Variants in PLCG2 observed in about 807,000 individuals in gnomAD.
PLCG2 encodes phospholipase C gamma 2, also known as 1-phosphatidylinositol 4,5-bisphosphate phosphodiesterase gamma-2.
PLCG2 carries 69 observed loss-of-function variants against 175.6 expected under a neutral mutation model. The observed-to-expected ratio is 0.39, with a 90% CI of 0.32 to 0.48. The LOEUF (loss-of-function observed/expected upper bound fraction) is 0.48. Among genes scored for constraint, PLCG2 ranks in the 20% least tolerant of loss-of-function variants. The probability of loss-of-function intolerance (pLI) is 0.91; values close to 1 mark genes in which losing one functional copy is unlikely to be tolerated. For missense variants in PLCG2, 1,798 were observed against 1,650.9 expected (o/e 1.09, Z -1.54); for synonymous variants, 827 against 624.0 (o/e 1.33, Z -4.85).
At chr16:81,785,105 C>T (rs184214447) in intron 1 of PLCG2, among the ~76,000 whole-genome samples, 4 of 152,082 alleles carry the variant, frequency 2.6e-5, no homozygotes, top group South Asian at 4.2e-4. Context: ...TAGGAGGAGC[C>T]GGTGAAAGGG....
At chr16:81,787,922 A>G (rs1250006716) in intron 2 of PLCG2, among the ~76,000 whole-genome samples, 2 of 152,178 alleles carry the variant, frequency 1.3e-5, no homozygotes, top group Non-Finnish European at 2.9e-5. Context: ...TTGTGGCAGA[A>G]TCACGATACG....
chr16:81,778,016 C>CAAA (rs753644088), upstream of PLCG2, among the ~76,000 whole-genome samples: 67 of 49,084 alleles, frequency 1.4e-3, 2 homozygotes, highest in Non-Finnish European at 1.6e-3. Context: ...GACTTTGTCT[C>CAAA]AAAAAAAAAA....
intron 2 of PLCG2, among the ~76,000 whole-genome samples, chr16:81,853,176 C>A (rs567852673): frequency 6.6e-6 from 1 of 152,042 alleles, no homozygotes; most frequent in South Asian, 2.1e-4. Flanking sequence ...ACTAAAAATA[C>A]AAAAACTAGC....
At chr16:81,830,582 A>T (rs1905220033) in intron 2 of PLCG2, among the ~76,000 whole-genome samples, 1 of 152,122 alleles carries the variant, frequency 6.6e-6, no homozygotes, top group Non-Finnish European at 1.5e-5. Context: ...TGCTGGGATT[A>T]CAGGCATAAG....
rs560924029 is a variant in PLCG2, at chr16:81,788,366, C to T, written c.193+2184C>T. 2.2e-4 allele frequency among the ~76,000 whole-genome samples: 34 copies of T among 152,240 alleles called. No homozygotes were observed. The South Asian group carries it at 2.9e-3, about 13-fold the overall frequency. On this transcript the variant is annotated intron_variant, in intron 2 of 32. Coordinates refer to ENST00000564138, the MANE Select transcript of PLCG2 (RefSeq NM_002661.5). ...TACAATGTCAGCTCACTGCAAGCTC[C>T]GCCTCCCGGATTCATGCCATTCTCC...
intron 2 of PLCG2, among the ~76,000 whole-genome samples, chr16:81,821,722 C>G (rs1010638266): frequency 1.3e-5 from 2 of 152,058 alleles, no homozygotes; most frequent in African/African-American, 2.4e-5. Flanking sequence ...GCGCAGAGCC[C>G]CAAAATAGAT....
At chr16:81,788,959 C>G (rs951088829) in intron 2 of PLCG2, among the ~76,000 whole-genome samples, 2 of 152,196 alleles carry the variant, frequency 1.3e-5, no homozygotes, top group African/African-American at 4.8e-5. Flanking sequence ...TGAGACTGGA[C>G]TGCAGGTTGT....
At chr16:81,837,278 C>T (rs1905567955) in intron 2 of PLCG2, among the ~76,000 whole-genome samples, 1 of 152,252 alleles carries the variant, frequency 6.6e-6, no homozygotes, top group Non-Finnish European at 1.5e-5. Flanking sequence ...TGCCAGTTCT[C>T]AGACTACCTC....
At position 81,959,711 on chromosome 16, in the gene PLCG2, G is replaced by A. The variant is rs1722736591; in HGVS notation, c.*1713G>A. On this transcript the variant is annotated 3_prime_UTR_variant, in exon 33 of 33. Coordinates refer to ENST00000564138, the MANE Select transcript of PLCG2 (RefSeq NM_002661.5). ...TTTCAAGAAAGGCTAGGTGAGAAAG[G>A]CACTGGGATGAGTGCTGCAGGCACT... 1.1e-5 allele frequency: 2 copies of A among 184,502 alleles called. No individual in the cohort carries two copies. The highest frequency in any genetic ancestry group is 1.1e-5 in the Non-Finnish European group (1 of 87,030). 11.4% of individuals were successfully genotyped at this position (184,502 alleles called of 1,614,324 possible). A position where few individuals can be genotyped will look rare whatever the true frequency, so the allele number is the denominator to read the frequency against.
chr16:81,857,511 CAAGATGCTGGAT>C (rs1906745638), intron 3 of PLCG2, among the ~76,000 whole-genome samples: 1 of 74,088 alleles, frequency 1.3e-5, no homozygotes, highest in Non-Finnish European at 3.8e-5. Context: ...ATGCCAAGAT[CAAGATGCTGGAT>C]GGTTGAGTTC....
chr16:81,925,811 T>C (rs12716923), intron 22 of PLCG2, among the ~76,000 whole-genome samples: 148,306 of 151,622 alleles, frequency 0.98, 72,604 homozygotes, highest in East Asian at 1. Flanking sequence ...TGCTTGAACC[T>C]GGGAGGCGAA....
chr16:81,891,649 C>G, intron 11 of PLCG2, 59 bp downstream of exon 11: 3 of 981,532 alleles, frequency 3.1e-6, no homozygotes, highest in Non-Finnish European at 5.0e-6. Flanking sequence ...AGGGTTGAGG[C>G]AGGGGTCCGA....
Position 81,961,941 on chromosome 16 carries a change from C to A in PLCG2, c.*3943C>A. 1 of 197,270 alleles carries A rather than the reference C, an allele frequency of 5.1e-6. No individual in the cohort carries two copies. Among genetic ancestry groups the A allele is most frequent in the Non-Finnish European group, 1.1e-5 (1 of 94,558 alleles). 12.2% of individuals were successfully genotyped at this position (197,270 alleles called of 1,614,324 possible). A position where few individuals can be genotyped will look rare whatever the true frequency, so the allele number is the denominator to read the frequency against. On this transcript the variant is annotated 3_prime_UTR_variant, in exon 33 of 33. Transcript: ENST00000564138. ...ATTGCTGATCGGATGTGAGGGCGATCTGGCTGCGACATCTGTCACCCCATT... is the reference window on the plus strand; with the variant it reads ...ATTGCTGATCGGATGTGAGGGCGATATGGCTGCGACATCTGTCACCCCATT...
chr16:81,780,519 GGT>G (rs935329091), intron 1 of PLCG2, among the ~76,000 whole-genome samples: 5 of 152,170 alleles, frequency 3.3e-5, no homozygotes, highest in African/African-American at 1.2e-4. Context: ...CTCTTGCAAA[GGT>G]GTGTGTGCAG....
At chr16:81,883,118 G>A in intron 8 of PLCG2, 151 bp from the exon 9 acceptor site, 1 of 663,032 alleles carries the variant, frequency 1.5e-6, no homozygotes, top group Non-Finnish European at 2.7e-6. Flanking sequence ...TCACTCACCT[G>A]TGTCTTCCTG....
At chr16:81,844,876 C>T (rs8182116) in intron 2 of PLCG2, among the ~76,000 whole-genome samples, 24,631 of 152,156 alleles carry the variant, frequency 0.16, 2,290 homozygotes, top group Non-Finnish European at 0.21. Flanking sequence ...TTTGTCATGT[C>T]GGTACATAAG....
At chr16:81,866,259 TG>T (rs1245600296) in intron 5 of PLCG2, among the ~76,000 whole-genome samples, 6 of 126,734 alleles carry the variant, frequency 4.7e-5, no homozygotes, top group Non-Finnish European at 8.3e-5. Context: ...TGAGCTCCAC[TG>T]GGGCACCAGC....
chr16:81,896,021 C>G, intron 13 of PLCG2, 94 bp downstream of exon 13: 2 of 1,469,380 alleles, frequency 1.4e-6, no homozygotes, highest in Non-Finnish European at 9.4e-7. Context: ...CACACAGACA[C>G]CTCCCTCCAA....
At chr16:81,942,735 G>A (rs950696370) in intron 30 of PLCG2, among the ~76,000 whole-genome samples, 1 of 152,170 alleles carries the variant, frequency 6.6e-6, no homozygotes, top group Non-Finnish European at 1.5e-5. Flanking sequence ...TCACACACCT[G>A]TAGGACCAGA....
Sources: gnomAD v4.1 joint callset for allele counts (sites outside exome capture counted in the v4.1 genomes callset) on GRCh38, gnomAD v4.1.1 for gene constraint, MANE v1.5 for transcripts, NCBI Gene and HGNC (gene_info 2026-07-23, HGNC 2026-07-21) for gene names.